The following ASPM variants were observed in gnomAD, a reference collection of about 807,000 sequenced individuals.
ASPM encodes assembly factor for spindle microtubules.
ASPM carries 256 observed loss-of-function variants against 366.4 expected under a neutral mutation model. The observed-to-expected ratio is 0.70, with a 90% CI of 0.63 to 0.77. The LOEUF is 0.77. ASPM is among the 30% of genes least tolerant of loss of function. The pLI is 0.00. For synonymous variants in ASPM, 1,414 were observed against 1,342.9 expected, an observed-to-expected ratio of 1.05 and a Z score of -1.16; for missense variants, 4,146 against 4,090.4, an observed-to-expected ratio of 1.01 and a Z score of -0.37.
intron 4 of ASPM, 78 bp from the exon 5 acceptor site, chr1:197,135,320 C>T: frequency 7.6e-7 from 1 of 1,323,290 alleles, no homozygotes; most frequent in Non-Finnish European, 1.1e-6. Context: ...GTCATTTTTA[C>T]TAGCAATACC....
At position 197,114,004 on chromosome 1, in the gene ASPM, A is replaced by G. The variant is rs550966679; in HGVS notation, c.4065+3785T>C. Among the ~76,000 whole-genome samples the G allele has an allele frequency of 5.3e-5, 8 of 152,302 alleles. No individual in the cohort carries two copies. The South Asian group carries it at 1.7e-3, about 32-fold the overall frequency. On this transcript the variant is annotated intron_variant, in intron 17 of 27. Transcript: ENST00000367409. ...AACACCTGGTGGGTTTTAAATCTTTACAAGTACTTTAAAAAACTCTTGGAT... is the reference window on the plus strand; with the variant it reads ...AACACCTGGTGGGTTTTAAATCTTTGCAAGTACTTTAAAAAACTCTTGGAT...
intron 17 of ASPM, among the ~76,000 whole-genome samples, chr1:197,112,281 TCTTA>T (rs1657608930): frequency 6.6e-6 from 1 of 152,140 alleles, no homozygotes; most frequent in Admixed American, 6.6e-5. Flanking sequence ...CACTGCATGT[TCTTA>T]CTTATAAGTG....
At position 197,100,756 on chromosome 1, in the gene ASPM, T is replaced by C. The variant is rs1337139249; in HGVS notation, c.8495A>G (p.Lys2832Arg). 3.1e-6 allele frequency: 5 copies of C among 1,612,424 alleles called. No individual in the cohort carries two copies. Among genetic ancestry groups the C allele is most frequent in the Non-Finnish European group, 3.4e-6 (4 of 1,179,148 alleles). The change falls in exon 18 of 28, where the codon AAA (lysine) becomes AGA (arginine). Residue 2832 changes from lysine (K) to arginine (R), a missense_variant. Physicochemically the swap from Lys to Arg is conservative, Grantham distance 26. Transcript: ENST00000367409. Reference protein sequence around the residue: ...QKAFCRMVTRKLETQKCAALR... With the variant: ...QKAFCRMVTRRLETQKCAALR... ...GGCAGCACATTTCTGTGTTTCCAGT[T>C]TTCTTGTGACCATTCTACAAAAAGC... is the stretch of plus-strand genomic sequence containing the variant.
chr1:197,133,289 AAC>A, intron 6 of ASPM, 59 bp downstream of exon 6: 2 of 1,549,064 alleles, frequency 1.3e-6, no homozygotes, highest in East Asian at 2.3e-5. Context: ...GGGGGAAAAA[AAC>A]ACAAAATCTC....
chr1:197,101,994 T>C lies in ASPM; in HGVS notation c.7257A>G (p.Arg2419=). The part of the protein sequence containing the change: ...SSATLIQSRF[R]SLLVRRRFIS... ...TGAATCTTCTCCTCACCAGTAATGA[T>C]CTAAACCTACTCTGAATAAGGGTTG... The change falls in exon 18 of 28, where the codon AGA becomes AGG. Residue 2419 remains arginine, a synonymous_variant. Coordinates refer to ENST00000367409, the MANE Select transcript of ASPM (RefSeq NM_018136.5). 2 of 1,612,922 alleles carry C rather than the reference T, an allele frequency of 1.2e-6. No homozygotes were observed. The highest frequency in any genetic ancestry group is 8.5e-7 in the Non-Finnish European group (1 of 1,179,318).
At chr1:197,092,985 T>C (rs1283401811) in intron 21 of ASPM, 67 bp downstream of exon 21, 6 of 1,349,454 alleles carry the variant, frequency 4.4e-6, no homozygotes, top group Non-Finnish European at 4.2e-6. Flanking sequence ...CCAAAGTTTC[T>C]TAACACTATT....
chr1:197,104,018 G>C lies in ASPM; in HGVS notation c.5233C>G (p.Arg1745Gly). 2 of 1,612,422 alleles carry C rather than the reference G, an allele frequency of 1.2e-6. No individual in the cohort carries two copies. The highest frequency in any genetic ancestry group is 1.7e-6 in the Non-Finnish European group (2 of 1,179,380). The change falls in exon 18 of 28, where the codon CGA (arginine) becomes GGA (glycine). Residue 1745 changes from arginine to glycine, a missense_variant. By Grantham distance (125) the Arg-to-Gly change is moderately radical (BLOSUM62 -2). Transcript: ENST00000367409. ...TTTCTTTGTAACCTCATCTGCTTTCGGACAAGGTATCCTCTAACAAATGCT... is the reference window on the plus strand; with the variant it reads ...TTTCTTTGTAACCTCATCTGCTTTCCGACAAGGTATCCTCTAACAAATGCT... Reference protein sequence around the residue: ...LQAFVRGYLVRKQMRLQRKAV... With the variant: ...LQAFVRGYLVGKQMRLQRKAV...
rs794727211 is a variant in ASPM at position 197,104,864 on chromosome 1, T to C, written c.4387A>G (p.Lys1463Glu). Residue 1463 changes from lysine (K) to glutamate (E), a missense_variant, in exon 18 of 28, where the codon AAA (lysine) becomes GAA (glutamate). Lys to Glu is a moderately conservative substitution (Grantham distance 56). Transcript: ENST00000367409. ...ATGATAATAGCAGAATTTTCTTCTT[T>C]AGCTTGTTTTCTTAAATGCCATTCT... ...FREWHLRKQA[K>E]EENSAIIIQS... The C allele has an allele frequency of 6.9e-6, 11 of 1,602,324 alleles. No individual in the cohort carries two copies. The highest frequency in any genetic ancestry group is 9.4e-6 in the Non-Finnish European group (11 of 1,175,498).
Position 197,100,875 on chromosome 1 carries a change from A to T in ASPM, c.8376T>A (p.Val2792=), listed in dbSNP as rs769505335. 5 of 1,612,680 alleles carry T rather than the reference A, an allele frequency of 3.1e-6. No individual in the cohort carries two copies. The South Asian group carries it at 4.4e-5, about 14-fold the overall frequency. ...TQYEAVQSEG[V]MIQEWYKASG... ...AAGCTTTATACCACTCTTGAATCAT[A>T]ACACCTTCACTTTGAACAGCTTCAT... Residue 2792 remains valine, a synonymous_variant, in exon 18 of 28, where the codon GTT becomes GTA. Transcript: ENST00000367409.
At chr1:197,145,527 C>A (rs1434209148) in intron 1 of ASPM, among the ~76,000 whole-genome samples, 1 of 150,522 alleles carries the variant, frequency 6.6e-6, no homozygotes, top group Admixed American at 6.6e-5. Context: ...ACTATTTCAC[C>A]GGAAAAAAAA....
Position 197,124,863 on chromosome 1 carries a change from A to C in ASPM, c.3168+7T>G, listed in dbSNP as rs370546641. 3.7e-5 allele frequency: 58 copies of C among 1,583,450 alleles called. No individual in the cohort carries two copies. The highest frequency in any genetic ancestry group is 3.0e-4 in the Admixed American group (18 of 59,968). ...AAAAAATACAAGATGTACCAAATGT[A>C]TAATACCTGAAAAGCAAACGCTATT... On this transcript the variant is annotated splice_region_variant and intron_variant, in intron 12 of 27. Coordinates refer to ENST00000367409, the MANE Select transcript of ASPM (RefSeq NM_018136.5).
Position 197,102,782 on chromosome 1 carries a change from T to A in ASPM, c.6469A>T (p.Lys2157Ter), listed in dbSNP as rs1357500059. 1 of 1,612,512 alleles carries A rather than the reference T, an allele frequency of 6.2e-7. No individual in the cohort carries two copies. Among genetic ancestry groups the A allele is most frequent in the East Asian group, 2.2e-5 (1 of 44,820 alleles). Reference sequence around the variant, plus strand: ...GTCAGGTACTTTTCACGCTGCATTTTACCTTGATAATATGCTCTACATCTT... The same window carrying A: ...GTCAGGTACTTTTCACGCTGCATTTAACCTTGATAATATGCTCTACATCTT... ...QVRCRAYYQG[K>*]MQREKYLTIL... Residue 2157 changes from lysine to a stop codon, truncating the protein, a stop_gained, in exon 18 of 28, where the codon AAA becomes TAA. Coordinates refer to ENST00000367409, the MANE Select transcript of ASPM (RefSeq NM_018136.5). LOFTEE classifies it high-confidence loss of function.
rs573533311 is a variant in ASPM at position 197,131,751 on chromosome 1, G to A, written c.2487+534C>T. On this transcript the variant is annotated intron_variant, in intron 7 of 27. Coordinates refer to ENST00000367409, the MANE Select transcript of ASPM (RefSeq NM_018136.5). ...TTTTTTTGTATTTTTAGTAGAGATA[G>A]GGTTTCACCATGTTAGCCAGGATGG... Among the ~76,000 whole-genome samples, 9 of 151,824 alleles carry A rather than the reference G, an allele frequency of 5.9e-5. No homozygotes were observed. In the East Asian group the frequency reaches 1.6e-3, roughly 26 times the overall value.
chr1:197,124,621 T>C (rs1199341795), intron 12 of ASPM, among the ~76,000 whole-genome samples: 4 of 151,926 alleles, frequency 2.6e-5, no homozygotes, highest in Admixed American at 2.6e-4. Flanking sequence ...TAAACTGTAG[T>C]TTCAGTTTCC....
At chr1:197,088,462 TG>T in intron 25 of ASPM, 30 bp from the exon 26 acceptor site, 1 of 1,558,974 alleles carries the variant, frequency 6.4e-7, no homozygotes. Flanking sequence ...AATTAAAAGT[TG>T]TAATAAACAC....
chr1:197,101,678 C>T lies in ASPM; in HGVS notation c.7573G>A (p.Glu2525Lys). 1.2e-6 allele frequency: 2 copies of T among 1,612,258 alleles called. No individual in the cohort carries two copies. The highest frequency in any genetic ancestry group is 1.7e-6 in the Non-Finnish European group (2 of 1,179,146). ...RTYRAAKLQRENYIRQWHSAV... is the reference protein window; with the variant it reads ...RTYRAAKLQRKNYIRQWHSAV... ...GAATGCCATTGTCTGATATAATTTT[C>T]TCTTTGTAATTTTGCAGCTCTATAT... The change falls in exon 18 of 28, where the codon GAA becomes AAA. Residue 2525 changes from glutamate (E) to lysine (K), a missense_variant. Physicochemically the swap from Glu to Lys is moderately conservative, Grantham distance 56. Coordinates refer to ENST00000367409, the MANE Select transcript of ASPM (RefSeq NM_018136.5).
At position 197,103,749 on chromosome 1, in the gene ASPM, A is replaced by G; in HGVS notation, c.5502T>C (p.Ala1834=). 6.2e-7 allele frequency: 1 copy of G among 1,612,910 alleles called. No homozygotes were observed. The highest frequency in any genetic ancestry group is 8.5e-7 in the Non-Finnish European group (1 of 1,179,362). The part of the protein sequence containing the change: ...QSIAALKIQS[A]FRGYNKRVKY... ...TTACCCTTTTATTATAGCCTCTAAA[A>G]GCAGACTGAATTTTAAGAGCAGCTA... is the stretch of plus-strand genomic sequence containing the variant. Residue 1834 remains alanine, a synonymous_variant, in exon 18 of 28, where the codon GCT becomes GCC. Transcript: ENST00000367409.
In ASPM at chr1:197,103,455, T is replaced by A. The variant is rs1347681375; in HGVS notation, c.5796A>T (p.Arg1932Ser). Residue 1932 changes from arginine (R) to serine (S), a missense_variant, in exon 18 of 28, where the codon AGA (arginine) becomes AGT (serine). Physicochemically the swap from Arg to Ser is moderately radical, Grantham distance 110. This residue lies in a region of ASPM where 3,624 missense variants were observed against 3,591.7 expected (regional missense o/e 1.01). Coordinates refer to ENST00000367409, the MANE Select transcript of ASPM (RefSeq NM_018136.5). ...TAALVIQQNFRAWTAGRKQCM... is the reference protein window; with the variant it reads ...TAALVIQQNFSAWTAGRKQCM... Reference sequence around the variant, plus strand: ...ATTGCTTCCTTCCTGCAGTCCATGCTCTGAAATTTTGCTGGATGACTAATG... The same window carrying A: ...ATTGCTTCCTTCCTGCAGTCCATGCACTGAAATTTTGCTGGATGACTAATG... 6.2e-7 allele frequency: 1 copy of A among 1,613,328 alleles called. No homozygotes were observed. The highest frequency in any genetic ancestry group is 1.7e-5 in the Admixed American group (1 of 59,912).
chr1:197,144,625 A>G (rs1388629143), intron 1 of ASPM, among the ~76,000 whole-genome samples: 1 of 152,192 alleles, frequency 6.6e-6, no homozygotes, highest in Admixed American at 6.5e-5. Context: ...TAACATCCCT[A>G]GGAAGCAGGT....
Sources: gnomAD v4.1 joint callset for allele counts (sites outside exome capture counted in the v4.1 genomes callset) on GRCh38, gnomAD v4.1.1 for gene constraint, gnomAD v4.1.1 regional missense constraint, MANE v1.5 for transcripts, NCBI Gene and HGNC (gene_info 2026-07-23, HGNC 2026-07-21) for gene names.